Variants in BICD2 observed in about 807,000 individuals in gnomAD.
The protein encoded by BICD2 is protein bicaudal D homolog 2.
A neutral mutation model predicts 72.9 loss-of-function variants in BICD2; 25 were observed. That is an observed-to-expected ratio of 0.34 (90% CI 0.25 to 0.48). BICD2 has a LOEUF of 0.48. BICD2 is among the 20% of genes least tolerant of loss of function. The pLI is 0.99. For synonymous variants in BICD2, 501 were observed against 516.1 expected (o/e 0.97, Z 0.40); for missense variants, 894 against 1,175.2 (o/e 0.76, Z 3.50).
chr9:92,715,466 G>A lies in BICD2; in HGVS notation c.2259-3C>T. On this transcript the variant is annotated splice_polypyrimidine_tract_variant and splice_region_variant and intron_variant, in intron 6 of 6. Transcript: ENST00000356884. ...GCTGTGTAATGTACTCGTCACACCTGTGGGTACCAAAAACATGACTGAGGG... is the reference window on the plus strand; with the variant it reads ...GCTGTGTAATGTACTCGTCACACCTATGGGTACCAAAAACATGACTGAGGG... The A allele has an allele frequency of 6.4e-7, 1 of 1,573,368 alleles. No individual in the cohort carries two copies.
chr9:92,749,464 G>A (rs1452901415), intron 1 of BICD2, among the ~76,000 whole-genome samples: 1 of 152,216 alleles, frequency 6.6e-6, no homozygotes, highest in Non-Finnish European at 1.5e-5. Flanking sequence ...CTGTAGGGCT[G>A]TGGTGCTTGT....
Position 92,719,311 on chromosome 9 carries a change from T to C in BICD2, c.1334A>G (p.Glu445Gly), listed in dbSNP as rs1378266169. Residue 445 changes from glutamate (E) to glycine (G), a missense_variant, in exon 5 of 7, where the codon GAG becomes GGG. Glu to Gly is a moderately conservative substitution (Grantham distance 98, BLOSUM62 -2). Coordinates refer to ENST00000356884, the MANE Select transcript of BICD2 (RefSeq NM_001003800.2). Reference protein sequence around the residue: ...LACKYHVAVAEAGELREQLKA... With the variant: ...LACKYHVAVAGAGELREQLKA... Reference sequence around the variant, plus strand: ...GAGCTGCTCGCGGAGCTCGCCAGCCTCAGCCACAGCCACATGGTACTTGCA... The same window carrying C: ...GAGCTGCTCGCGGAGCTCGCCAGCCCCAGCCACAGCCACATGGTACTTGCA... The C allele has an allele frequency of 1.9e-6, 3 of 1,613,972 alleles. No individual in the cohort carries two copies. Among genetic ancestry groups the C allele is most frequent in the Non-Finnish European group, 2.5e-6 (3 of 1,180,038 alleles).
intron 2 of BICD2, among the ~76,000 whole-genome samples, chr9:92,726,176 CCT>C (rs1180388785): frequency 2.6e-5 from 4 of 152,328 alleles, no homozygotes; most frequent in Admixed American, 2.6e-4. Context: ...ACCTTGCAAA[CCT>C]CTGTTTCTTC....
rs1564061385 is a variant in BICD2 at position 92,720,797 on chromosome 9, A to T, written c.607-42T>A. On this transcript the variant is annotated intron_variant, in intron 3 of 6. Coordinates refer to ENST00000356884, the MANE Select transcript of BICD2 (RefSeq NM_001003800.2). This position sits in a 1 kb window ranked among gnomAD's most constrained non-coding sequence, Gnocchi z 5.4. ...ACGCTCTTGCATCAATGCAATGTGGAAGCTCCTTTCAGGCCCCATAAATGA... is the reference window on the plus strand; with the variant it reads ...ACGCTCTTGCATCAATGCAATGTGGTAGCTCCTTTCAGGCCCCATAAATGA... 6.3e-7 allele frequency: 1 copy of T among 1,586,716 alleles called. No homozygotes were observed. The highest frequency in any genetic ancestry group is 8.6e-7 in the Non-Finnish European group (1 of 1,164,392).
At chr9:92,715,603 T>A in intron 6 of BICD2, 140 bp from the exon 7 acceptor site, 1 of 831,038 alleles carries the variant, frequency 1.2e-6, no homozygotes, top group Non-Finnish European at 1.8e-6. Flanking sequence ...CTGGAGGGTG[T>A]GGCTGGGGAA....
rs143242735 is a variant in BICD2, at chr9:92,718,681, C to T, written c.1964G>A (p.Arg655His). 4.6e-5 allele frequency: 74 copies of T among 1,614,006 alleles called. No individual in the cohort carries two copies. Among genetic ancestry groups the T allele is most frequent in the Non-Finnish European group, 5.4e-5 (64 of 1,180,036 alleles). ...VDRTTELSRQ[R>H]IASQELGPAV... Reference sequence around the variant, plus strand: ...GGGGCCCAGCTCCTGAGAGGCAATGCGCTGGCGTGACAGCTCCGTGGTGCG... The same window carrying T: ...GGGGCCCAGCTCCTGAGAGGCAATGTGCTGGCGTGACAGCTCCGTGGTGCG... The change falls in exon 5 of 7, where the codon CGC becomes CAC. Residue 655 changes from arginine (R) to histidine (H), a missense_variant. Coordinates refer to ENST00000356884, the MANE Select transcript of BICD2 (RefSeq NM_001003800.2).
chr9:92,760,091 G>A (rs1422138986), intron 1 of BICD2, among the ~76,000 whole-genome samples: 1 of 152,156 alleles, frequency 6.6e-6, no homozygotes, highest in African/African-American at 2.4e-5. Context: ...ATCCAGGGCC[G>A]CAAGCTCCTG....
At chr9:92,722,588 C>A in intron 3 of BICD2, 68 bp downstream of exon 3, 1 of 1,599,644 alleles carries the variant, frequency 6.3e-7, no homozygotes. Context: ...GGGAGAGGGG[C>A]TGAGCAAGAG....
chr9:92,760,731 A>C (rs1205771272), intron 1 of BICD2, among the ~76,000 whole-genome samples: 1 of 152,042 alleles, frequency 6.6e-6, no homozygotes, highest in Admixed American at 6.5e-5. Flanking sequence ...CCCAGCTCCC[A>C]CCCAAGCCAG....
At chr9:92,735,523 G>A (rs1853766170) in intron 1 of BICD2, among the ~76,000 whole-genome samples, 1 of 151,814 alleles carries the variant, frequency 6.6e-6, no homozygotes, top group African/African-American at 2.4e-5. Context: ...GAAGCATTAG[G>A]AGCCACCCTG....
chr9:92,742,163 G>A (rs1000673701), intron 1 of BICD2, among the ~76,000 whole-genome samples: 14 of 152,180 alleles, frequency 9.2e-5, no homozygotes, highest in African/African-American at 3.1e-4. Flanking sequence ...AGACCTGGAA[G>A]GAAGCTGCCT....
intron 1 of BICD2, among the ~76,000 whole-genome samples, chr9:92,737,322 A>G (rs963616149): frequency 2.0e-5 from 3 of 152,198 alleles, no homozygotes; most frequent in African/African-American, 2.4e-5. Context: ...GAGCTTTAAA[A>G]TACAGGTTCA....
chr9:92,739,313 G>A (rs1471758825), intron 1 of BICD2, among the ~76,000 whole-genome samples: 1 of 152,176 alleles, frequency 6.6e-6, no homozygotes, highest in Non-Finnish European at 1.5e-5. Context: ...ATGATACCAG[G>A]ACAACAGACT....
chr9:92,764,030 G>A lies in BICD2; in HGVS notation c.240+475C>T, dbSNP rs564249172. ...TCCGAAAGTAGCTGCGCCCAGAGAG[G>A]GGAAGTGCTTTCTCTGAAGGTGACA... On this transcript the variant is annotated intron_variant, in intron 1 of 6. Coordinates refer to ENST00000356884, the MANE Select transcript of BICD2 (RefSeq NM_001003800.2). The surrounding 1 kb of genome is among the most constrained non-coding windows in gnomAD (Gnocchi z 5.5). Among the ~76,000 whole-genome samples the A allele has an allele frequency of 3.4e-4, 52 of 152,300 alleles. No individual in the cohort carries two copies. The highest frequency in any genetic ancestry group is 1.1e-3 in the African/African-American group (46 of 41,564).
At chr9:92,743,355 CTTT>C (rs34165468) in intron 1 of BICD2, among the ~76,000 whole-genome samples, 5 of 112,224 alleles carry the variant, frequency 4.5e-5, no homozygotes, top group Admixed American at 1.0e-4. Flanking sequence ...ACCATGCCAG[CTTT>C]TTTTTTTTTT....
rs370600458 is a variant in BICD2, at chr9:92,718,617, G to C, written c.2028C>G (p.Ile676Met). 3 of 1,613,824 alleles carry C rather than the reference G, an allele frequency of 1.9e-6. No individual in the cohort carries two copies. Among genetic ancestry groups the C allele is most frequent in the African/African-American group, 2.7e-5 (2 of 75,070 alleles). The change falls in exon 5 of 7, where the codon ATC becomes ATG. Residue 676 changes from isoleucine (I) to methionine (M), a missense_variant. Transcript: ENST00000356884. ...DKDKEALMEE[I>M]LKLKSLLSTK... is the part of the protein sequence containing the mutation. ...TGCTGAGCAGCGACTTCAGCTTGAG[G>C]ATCTCCTCCATAAGCGCTTCCTTGT... is the stretch of plus-strand genomic sequence containing the variant.
chr9:92,717,703 C>T (rs1587667460), intron 6 of BICD2, 94 bp downstream of exon 6: 1 of 1,447,588 alleles, frequency 6.9e-7, no homozygotes. Context: ...CTGCAGGCCT[C>T]AGCATGAGGC....
chr9:92,728,918 G>A, intron 2 of BICD2, 106 bp downstream of exon 2: 1 of 1,236,152 alleles, frequency 8.1e-7, no homozygotes, highest in Non-Finnish European at 1.1e-6. Context: ...GCCAGCTGCA[G>A]CGTCCCCAGA....
intron 2 of BICD2, among the ~76,000 whole-genome samples, chr9:92,726,526 C>G (rs1370570117): frequency 6.6e-6 from 1 of 152,094 alleles, no homozygotes; most frequent in Non-Finnish European, 1.5e-5. Context: ...CTCAGACCAG[C>G]AGAACAGCAG....
Sources: gnomAD v4.1 joint callset for allele counts (sites outside exome capture counted in the v4.1 genomes callset) on GRCh38, gnomAD v4.1.1 for gene constraint, Gnocchi (gnomAD v3.1) non-coding constraint, MANE v1.5 for transcripts, NCBI Gene and HGNC (gene_info 2026-07-23, HGNC 2026-07-21) for gene names.